Variants in AP3B1 observed in about 807,000 individuals in gnomAD.
The protein encoded by AP3B1 is adaptor related protein complex 3 subunit beta 1.
A neutral mutation model predicts 132.5 loss-of-function variants in AP3B1; 61 were observed. The observed-to-expected ratio is 0.46, with a 90% CI of 0.37 to 0.57. The LOEUF is 0.57. AP3B1 is among the 20% of genes least tolerant of loss of function. The pLI is 0.00. For synonymous variants in AP3B1, 388 were observed against 438.3 expected (o/e 0.89, Z 1.43); for missense variants, 1,120 against 1,289.4 (o/e 0.87, Z 2.01).
At chr5:78,051,727 T>C (rs1205302744) in intron 22 of AP3B1, among the ~76,000 whole-genome samples, 2 of 152,192 alleles carry the variant, frequency 1.3e-5, no homozygotes, top group East Asian at 1.9e-4. Flanking sequence ...CTGCAGTATA[T>C]AAAATGCTCT....
chr5:78,008,301 T>A (rs1324308381), intron 26 of AP3B1, among the ~76,000 whole-genome samples: 2 of 152,244 alleles, frequency 1.3e-5, no homozygotes, highest in Admixed American at 6.5e-5. Flanking sequence ...TACCTTTCTT[T>A]CATTTTTACG....
chr5:78,053,173 C>T (rs1748652440), intron 22 of AP3B1, among the ~76,000 whole-genome samples: 1 of 152,160 alleles, frequency 6.6e-6, no homozygotes, highest in African/African-American at 2.4e-5. Flanking sequence ...CCCATTATAA[C>T]CAAGCTCAGA....
At chr5:78,194,551 C>A (rs1294136218) in intron 7 of AP3B1, among the ~76,000 whole-genome samples, 2 of 152,090 alleles carry the variant, frequency 1.3e-5, no homozygotes, top group Non-Finnish European at 2.9e-5. Flanking sequence ...TACAAAAAGA[C>A]AGAACCATCT....
chr5:78,066,964 C>T (rs756734257), intron 22 of AP3B1, among the ~76,000 whole-genome samples: 1 of 152,126 alleles, frequency 6.6e-6, no homozygotes, highest in Non-Finnish European at 1.5e-5. Context: ...GACAGCAGAC[C>T]TCTCACAGAA....
intron 24 of AP3B1, among the ~76,000 whole-genome samples, chr5:78,021,504 G>A (rs1580248337): frequency 6.6e-6 from 1 of 152,088 alleles, no homozygotes; most frequent in East Asian, 1.9e-4. Context: ...TACTAAAATT[G>A]TCTAAAAAAT....
chr5:78,158,687 T>C (rs1358906166), intron 13 of AP3B1, among the ~76,000 whole-genome samples: 1 of 151,962 alleles, frequency 6.6e-6, no homozygotes, highest in Non-Finnish European at 1.5e-5. Flanking sequence ...TATGTTACGA[T>C]AGGCAGGTAT....
At chr5:78,202,815 C>T (rs2112454294) in intron 7 of AP3B1, among the ~76,000 whole-genome samples, 1 of 152,102 alleles carries the variant, frequency 6.6e-6, no homozygotes, top group East Asian at 1.9e-4. Context: ...TTTATGTCAA[C>T]AAAAGGAAAA....
intron 5 of AP3B1, 21 bp from the exon 6 acceptor site, chr5:78,225,629 A>T: frequency 6.9e-7 from 1 of 1,456,126 alleles, no homozygotes; most frequent in Non-Finnish European, 9.6e-7. Context: ...CAAAAATAAC[A>T]TATTAATTTT....
chr5:78,172,181 G>T (rs1219502535), intron 11 of AP3B1, among the ~76,000 whole-genome samples: 1 of 152,206 alleles, frequency 6.6e-6, no homozygotes, highest in African/African-American at 2.4e-5. Flanking sequence ...GTTCATCAAG[G>T]ATACTGGTCT....
At chr5:78,214,464 T>C (rs913952208) in intron 7 of AP3B1, among the ~76,000 whole-genome samples, 7 of 152,214 alleles carry the variant, frequency 4.6e-5, no homozygotes, top group Non-Finnish European at 8.8e-5. Flanking sequence ...GTACACTATA[T>C]ATTTTAACTC....
In AP3B1 at chr5:78,175,610, A is replaced by C. The variant is rs1326132694; in HGVS notation, c.1167+16T>G. 1 of 1,602,602 alleles carries C rather than the reference A, an allele frequency of 6.2e-7. No homozygotes were observed. Among genetic ancestry groups the C allele is most frequent in the Admixed American group, 1.7e-5 (1 of 59,884 alleles). On this transcript the variant is annotated intron_variant, in intron 11 of 26. Coordinates refer to ENST00000255194, the MANE Select transcript of AP3B1 (RefSeq NM_003664.5). ...CAAATGTGTTAAAAGCCTCTGAAAA[A>C]TGAAAGCATACATACCTTCAGTGTC...
chr5:78,153,903 C>T (rs1029604111), intron 14 of AP3B1, among the ~76,000 whole-genome samples: 1 of 152,018 alleles, frequency 6.6e-6, no homozygotes, highest in Admixed American at 6.5e-5. Context: ...TTGTACTGTC[C>T]ATGTCTTGAA....
At position 78,120,813 on chromosome 5, in the gene AP3B1, T is replaced by G. The variant is rs151045978; in HGVS notation, c.1969-4579A>C. 4.8e-3 allele frequency among the ~76,000 whole-genome samples: 735 copies of G among 152,196 alleles called. 4 individuals are homozygous for G. Among genetic ancestry groups the G allele is most frequent in the African/African-American group, 0.016 (672 of 41,510 alleles). ...ACAGAAATTTAACAAGGATACCCAG[T>G]AATTGAACTCAGCTCTGCACCAAGC... On this transcript the variant is annotated intron_variant, in intron 17 of 26. Coordinates refer to ENST00000255194, the MANE Select transcript of AP3B1 (RefSeq NM_003664.5).
At chr5:78,011,038 T>G (rs1746598715) in intron 26 of AP3B1, among the ~76,000 whole-genome samples, 1 of 147,562 alleles carries the variant, frequency 6.8e-6, no homozygotes, top group Non-Finnish European at 1.5e-5. Context: ...ATTCTGTATC[T>G]CTCTTTTTTT....
intron 22 of AP3B1, among the ~76,000 whole-genome samples, chr5:78,048,721 C>A (rs1477042826): frequency 6.6e-6 from 1 of 152,152 alleles, no homozygotes; most frequent in Non-Finnish European, 1.5e-5. Flanking sequence ...GTTCTTGATG[C>A]CCAGACACAT....
chr5:78,251,198 A>G (rs1380205686), intron 2 of AP3B1, among the ~76,000 whole-genome samples: 1 of 151,032 alleles, frequency 6.6e-6, no homozygotes, highest in Non-Finnish European at 1.5e-5. Context: ...TATTAAAAAC[A>G]TCTACATATC....
At position 78,165,564 on chromosome 5, in the gene AP3B1, G is replaced by T; in HGVS notation, c.1230+46C>A. ...TAGAAAAAGATGCATATTTAAGACT[G>T]AACATATGTTTTAGAAGTTTTTTAT... is the stretch of plus-strand genomic sequence containing the variant. On this transcript the variant is annotated intron_variant, in intron 12 of 26. Transcript: ENST00000255194. 4 of 1,319,394 alleles carry T rather than the reference G, an allele frequency of 3.0e-6. No individual in the cohort carries two copies. In the South Asian group the frequency reaches 3.6e-5, roughly 12 times the overall value. The allele number at this position is 1,319,394 out of a possible 1,614,324, so 81.7% of individuals were successfully genotyped here.
chr5:78,072,261 T>C (rs1749570920), intron 22 of AP3B1, among the ~76,000 whole-genome samples: 1 of 152,184 alleles, frequency 6.6e-6, no homozygotes, highest in Non-Finnish European at 1.5e-5. Flanking sequence ...AATACTTTGG[T>C]TTGTATATGT....
chr5:78,020,238 AG>A (rs1395367960), intron 25 of AP3B1, among the ~76,000 whole-genome samples: 1 of 152,174 alleles, frequency 6.6e-6, no homozygotes, highest in Non-Finnish European at 1.5e-5. Context: ...TGCCATAATT[AG>A]GAGTTTATTT....
Sources: gnomAD v4.1 joint callset for allele counts (sites outside exome capture counted in the v4.1 genomes callset) on GRCh38, gnomAD v4.1.1 for gene constraint, MANE v1.5 for transcripts, NCBI Gene and HGNC (gene_info 2026-07-23, HGNC 2026-07-21) for gene names.